The following ABCB1 variants were observed in gnomAD, a reference collection of about 807,000 sequenced individuals.
ABCB1 encodes the protein ATP-dependent translocase ABCB1.
A neutral mutation model predicts 142.0 loss-of-function variants in ABCB1; 69 were observed. That is an observed-to-expected ratio of 0.49 (90% CI 0.40 to 0.59). ABCB1 has a LOEUF of 0.59. Among genes scored for constraint, ABCB1 ranks in the 20% least tolerant of loss-of-function variants. The pLI, the probability that ABCB1 is intolerant of heterozygous loss-of-function variation, is 0.00. For synonymous variants in ABCB1, 532 were observed against 539.2 expected (o/e 0.99, Z 0.18); for missense variants, 1,326 against 1,554.7 (o/e 0.85, Z 2.47).
At chr7:87,626,696 A>G (rs1181190571) in intron 1 of ABCB1, among the ~76,000 whole-genome samples, 24 of 44,178 alleles carry the variant, frequency 5.4e-4, no homozygotes, top group Admixed American at 7.3e-4. Flanking sequence ...TGTCATATAT[A>G]TGTGTCATAT....
chr7:87,544,412 T>A, intron 16 of ABCB1, 137 bp from the exon 17 acceptor site: 1 of 931,806 alleles, frequency 1.1e-6, no homozygotes, highest in Non-Finnish European at 1.6e-6. Flanking sequence ...AATTTTGCTT[T>A]AAAAAATGTC....
At chr7:87,623,460 C>A (rs1820298642) in intron 1 of ABCB1, among the ~76,000 whole-genome samples, 1 of 152,214 alleles carries the variant, frequency 6.6e-6, no homozygotes, top group Admixed American at 6.5e-5. Context: ...ATGTGTCTGT[C>A]ATAGCCTGTA....
chr7:87,624,366 G>C (rs1820332601), intron 1 of ABCB1, among the ~76,000 whole-genome samples: 1 of 152,184 alleles, frequency 6.6e-6, no homozygotes, highest in Non-Finnish European at 1.5e-5. Context: ...TCTGAGACTA[G>C]AATAAACTAT....
At chr7:87,582,478 A>G (rs1818549965) in intron 4 of ABCB1, among the ~76,000 whole-genome samples, 1 of 152,216 alleles carries the variant, frequency 6.6e-6, no homozygotes. Flanking sequence ...GTTGGGAATG[A>G]TGAGGGCATG....
intron 1 of ABCB1, among the ~76,000 whole-genome samples, chr7:87,637,395 A>G (rs1821888697): frequency 1.3e-5 from 2 of 152,122 alleles, no homozygotes; most frequent in African/African-American, 4.8e-5. Context: ...TATCTTGGCT[A>G]TTCTTGGCCT....
chr7:87,515,494 T>TCA (rs1421178916), intron 24 of ABCB1, 66 bp from the exon 25 acceptor site: 20 of 1,428,994 alleles, frequency 1.4e-5, no homozygotes, highest in Non-Finnish European at 1.9e-5. Flanking sequence ...TATAGCTAAC[T>TCA]CTCTCGATTA....
At chr7:87,505,644 C>T (rs930810997) in intron 27 of ABCB1, among the ~76,000 whole-genome samples, 5 of 152,146 alleles carry the variant, frequency 3.3e-5, no homozygotes, top group Admixed American at 2.0e-4. Context: ...AAATATGGTT[C>T]CTGAAAGCAG....
intron 3 of ABCB1, among the ~76,000 whole-genome samples, chr7:87,594,947 A>G (rs971292035): frequency 6.6e-6 from 1 of 152,212 alleles, no homozygotes; most frequent in African/African-American, 2.4e-5. Context: ...TAATTGGTTT[A>G]GTAGTCTTCC....
chr7:87,556,660 G>C (rs1817324535), intron 8 of ABCB1, among the ~76,000 whole-genome samples: 1 of 152,124 alleles, frequency 6.6e-6, no homozygotes, highest in African/African-American at 2.4e-5. Context: ...GGACCATTCT[G>C]CCGGCCTCCC....
chr7:87,621,122 A>G (rs949376606), intron 1 of ABCB1, among the ~76,000 whole-genome samples: 3 of 152,268 alleles, frequency 2.0e-5, no homozygotes, highest in Admixed American at 2.0e-4. Flanking sequence ...TAGAATCCCT[A>G]TAGGCTTTTC....
intron 21 of ABCB1, chr7:87,522,110 G>A: frequency 7.7e-7 from 1 of 1,305,238 alleles, no homozygotes; most frequent in South Asian, 1.2e-5. Context: ...GACAACTTTG[G>A]TCGTGGAGGA....
At chr7:87,660,581 T>C (rs1585029304) in intron 1 of ABCB1, among the ~76,000 whole-genome samples, 1 of 152,136 alleles carries the variant, frequency 6.6e-6, no homozygotes. Context: ...TTGTCTGTTT[T>C]ATTAGTCTTT....
At chr7:87,522,162 T>TG in intron 21 of ABCB1, 2 of 1,451,844 alleles carry the variant, frequency 1.4e-6, no homozygotes, top group Non-Finnish European at 9.5e-7. Flanking sequence ...GCTGTGGTGG[T>TG]GGTGGATATA....
upstream of ABCB1, among the ~76,000 whole-genome samples, chr7:87,602,077 T>C (rs943450725): frequency 6.6e-6 from 1 of 152,120 alleles, no homozygotes; most frequent in Non-Finnish European, 1.5e-5. Flanking sequence ...CACTGCAAGC[T>C]CCGCCTCCCG....
intron 1 of ABCB1, among the ~76,000 whole-genome samples, chr7:87,640,769 A>C (rs1386639150): frequency 1.3e-5 from 2 of 150,066 alleles, no homozygotes; most frequent in African/African-American, 4.9e-5. Flanking sequence ...TTTTCTATTG[A>C]CTCCTTTTCT....
chr7:87,516,673 G>C lies in ABCB1; in HGVS notation c.2928-8C>G, dbSNP rs1213211157. ...ACAACAGCTGAAAATACTCTGGAAA[G>C]CACAAACACAAAACATGTGCACAGC... On this transcript the variant is annotated splice_region_variant and splice_polypyrimidine_tract_variant and intron_variant, in intron 23 of 27. Coordinates refer to ENST00000622132, the MANE Select transcript of ABCB1 (RefSeq NM_001348946.2). 6.3e-7 allele frequency: 1 copy of C among 1,588,514 alleles called. No individual in the cohort carries two copies. The highest frequency in any genetic ancestry group is 8.6e-7 in the Non-Finnish European group (1 of 1,169,124).
rs548953673 is a variant in ABCB1 at position 87,539,937 on chromosome 7, A to G, written c.2320-592T>C. 2.6e-5 allele frequency among the ~76,000 whole-genome samples: 4 copies of G among 152,280 alleles called. No individual in the cohort carries two copies. The South Asian group carries it at 8.3e-4, about 32-fold the overall frequency. On this transcript the variant is annotated intron_variant, in intron 18 of 27. Coordinates refer to ENST00000622132, the MANE Select transcript of ABCB1 (RefSeq NM_001348946.2). ...CTCCAACTTTCTTAACCAAATTTACATTGAGCAATCTTTACCTCCTCCAAA... is the reference window on the plus strand; with the variant it reads ...CTCCAACTTTCTTAACCAAATTTACGTTGAGCAATCTTTACCTCCTCCAAA...
intron 21 of ABCB1, chr7:87,522,539 GA>G: frequency 2.1e-6 from 1 of 471,686 alleles, no homozygotes; most frequent in South Asian, 1.6e-5. Flanking sequence ...AGTGCTACAA[GA>G]AGACATGTTT....
At chr7:87,544,691 G>T in intron 16 of ABCB1, 132 bp downstream of exon 16, 1 of 853,416 alleles carries the variant, frequency 1.2e-6, no homozygotes, top group South Asian at 1.6e-5. Context: ...CTAAAATGTT[G>T]ACATTCTGGG....
Sources: gnomAD v4.1 joint callset for allele counts (sites outside exome capture counted in the v4.1 genomes callset) on GRCh38, gnomAD v4.1.1 for gene constraint, MANE v1.5 for transcripts, NCBI Gene and HGNC (gene_info 2026-07-23, HGNC 2026-07-21) for gene names.